The following PDE8B variants were observed in gnomAD, a reference collection of about 807,000 sequenced individuals.
The protein encoded by PDE8B is phosphodiesterase 8B.
PDE8B carries 26 observed loss-of-function variants against 101.3 expected under a neutral mutation model. The ratio of observed to expected loss-of-function variants is 0.26; its 90% CI spans 0.19 to 0.36. PDE8B has a LOEUF of 0.36. Among genes scored for constraint, PDE8B ranks in the 10% least tolerant of loss-of-function variants. The pLI, the probability that PDE8B is intolerant of heterozygous loss-of-function variation, is 1.00. For missense variants in PDE8B, 810 were observed against 1,163.1 expected (o/e 0.70, Z 4.42); for synonymous variants, 424 against 429.3 (o/e 0.99, Z 0.15).
chr5:77,210,586 C>T (rs1346276816), upstream of PDE8B: 3 of 964,138 alleles, frequency 3.1e-6, no homozygotes, highest in Admixed American at 6.7e-5. This position sits in a 1 kb window ranked among gnomAD's most constrained non-coding sequence, Gnocchi z 4.9. Context: ...CGGCGGGGGC[C>T]GCGCCGAGGG....
chr5:77,094,500 C>T, the PDE8B span, among the ~76,000 whole-genome samples: 4 of 152,214 alleles, frequency 2.6e-5, no homozygotes, highest in South Asian at 8.3e-4. Context: ...GAGACAGAGT[C>T]TCACCATGTT....
chr5:77,325,567 G>A lies in PDE8B; in HGVS notation c.428G>A (p.Ser143Asn), dbSNP rs746020243. 2.5e-6 allele frequency: 4 copies of A among 1,614,150 alleles called. No individual in the cohort carries two copies. Among genetic ancestry groups the A allele is most frequent in the Non-Finnish European group, 3.4e-6 (4 of 1,179,976 alleles). The change falls in exon 3 of 22, where the codon AGT becomes AAT. Residue 143 changes from serine (S) to asparagine (N), a missense_variant. By Grantham distance (46) the Ser-to-Asn change is conservative. Around this residue, in one of 4 missense-constraint regions of PDE8B, gnomAD observed 251 missense variants for 378.8 expected, o/e 0.66. Transcript: ENST00000264917. ...QVLLIFAKED[S>N]QSDGFWWACD... ...TTGCTGATCTTTGCAAAGGAAGATA[G>A]TCAGAGCGATGGCTTCTGGTGGGCC...
At chr5:77,175,956 C>A in the PDE8B span, among the ~76,000 whole-genome samples, 1 of 152,148 alleles carries the variant, frequency 6.6e-6, no homozygotes, top group Non-Finnish European at 1.5e-5. Flanking sequence ...TTCAAGGGAA[C>A]CTAAATGGTG....
chr5:77,291,347 A>G, intron 1 of PDE8B: 1 of 1,612,384 alleles, frequency 6.2e-7, no homozygotes, highest in South Asian at 1.1e-5. Context: ...CGGAAGAAGC[A>G]AAGAAAGAAG....
intron 17 of PDE8B, among the ~76,000 whole-genome samples, chr5:77,416,633 C>T: frequency 6.6e-6 from 1 of 152,256 alleles, no homozygotes; most frequent in East Asian, 1.9e-4. Flanking sequence ...TGCTCACCAG[C>T]TCCATGGGGT....
chr5:77,220,265 GCTGACTGA>G (rs1750814384), intron 1 of PDE8B, among the ~76,000 whole-genome samples: 1 of 152,208 alleles, frequency 6.6e-6, no homozygotes, highest in South Asian at 2.1e-4. Context: ...CCTGGGACTG[GCTGACTGA>G]CTGTGGAGCC....
At chr5:77,418,914 C>T (rs540089191) in intron 18 of PDE8B, among the ~76,000 whole-genome samples, 2 of 152,236 alleles carry the variant, frequency 1.3e-5, no homozygotes, top group East Asian at 1.9e-4. Flanking sequence ...GTGAGCAGGT[C>T]CTCTTGCCTC....
chr5:77,390,603 C>T (rs1789710656), intron 10 of PDE8B, among the ~76,000 whole-genome samples: 4 of 152,210 alleles, frequency 2.6e-5, no homozygotes, highest in South Asian at 4.1e-4. Context: ...ATTGAATCCC[C>T]GTCCCTTTGC....
At chr5:77,357,296 G>A (rs1209652674) in intron 10 of PDE8B, among the ~76,000 whole-genome samples, 1 of 152,124 alleles carries the variant, frequency 6.6e-6, no homozygotes, top group Non-Finnish European at 1.5e-5. Flanking sequence ...TGCTTGTCTG[G>A]GCAGCAAAGT....
the PDE8B span, among the ~76,000 whole-genome samples, chr5:77,157,188 A>T: frequency 2.6e-5 from 4 of 152,252 alleles, no homozygotes; most frequent in African/African-American, 9.6e-5. Flanking sequence ...AATCAATCCC[A>T]TGCATTAAAT....
chr5:77,165,621 A>T, the PDE8B span: 11 of 152,338 alleles, frequency 7.2e-5, no homozygotes, highest in African/African-American at 2.4e-4. Context: ...CTGGCATAAA[A>T]ATTCCATTGT....
the PDE8B span, among the ~76,000 whole-genome samples, chr5:77,176,167 G>A: frequency 3.9e-5 from 6 of 152,118 alleles, no homozygotes; most frequent in African/African-American, 1.2e-4. Flanking sequence ...ACCAGAAACC[G>A]ACTAGCCACC....
chr5:77,279,835 C>T (rs1764606360), intron 1 of PDE8B, among the ~76,000 whole-genome samples: 1 of 152,174 alleles, frequency 6.6e-6, no homozygotes, highest in African/African-American at 2.4e-5. Flanking sequence ...GTGAGAGTGA[C>T]AATCTCAGTC....
chr5:77,337,138 G>T, intron 5 of PDE8B, 89 bp from the exon 6 acceptor site: 1 of 751,754 alleles, frequency 1.3e-6, no homozygotes, highest in Non-Finnish European at 2.4e-6. Flanking sequence ...GGAGTTACCT[G>T]GGGATAGGAA....
chr5:77,193,174 A>G, the PDE8B span, among the ~76,000 whole-genome samples: 2 of 152,136 alleles, frequency 1.3e-5, no homozygotes, highest in African/African-American at 2.4e-5. Flanking sequence ...TACATTTTCA[A>G]TGAATTGCAA....
intron 1 of PDE8B, among the ~76,000 whole-genome samples, chr5:77,285,188 G>A (rs1336122319): frequency 6.6e-6 from 1 of 152,114 alleles, no homozygotes; most frequent in Non-Finnish European, 1.5e-5. Flanking sequence ...ACAGATGCCT[G>A]TATAATCTTT....
chr5:77,321,100 C>T (rs7726487), intron 2 of PDE8B, among the ~76,000 whole-genome samples: 13,931 of 149,558 alleles, frequency 0.093, 1,151 homozygotes, highest in African/African-American at 0.22. Context: ...ATCTCTGAGC[C>T]GTTTGACATC....
At chr5:77,188,009 A>G in the PDE8B span, among the ~76,000 whole-genome samples, 2 of 152,228 alleles carry the variant, frequency 1.3e-5, no homozygotes, top group Non-Finnish European at 2.9e-5. Context: ...GGCTGATTAA[A>G]GAGTAGGAGA....
the PDE8B span, among the ~76,000 whole-genome samples, chr5:77,152,328 C>T: frequency 6.6e-6 from 1 of 152,184 alleles, no homozygotes; most frequent in East Asian, 1.9e-4. Context: ...TTCGCAATGA[C>T]ATTTTTTATC....
Sources: allele counts gnomAD v4.1 joint callset (sites outside exome capture counted in the v4.1 genomes callset), GRCh38; gene constraint gnomAD v4.1.1; regional missense constraint gnomAD v4.1.1; non-coding constraint Gnocchi (gnomAD v3.1); transcripts MANE v1.5; gene names NCBI Gene and HGNC (gene_info 2026-07-23, HGNC 2026-07-21).